The following ZNF407 variants were observed in gnomAD, a reference collection of about 807,000 sequenced individuals.
The protein encoded by ZNF407 is zinc finger protein 407.
Under a neutral mutation model 131.2 loss-of-function variants are expected in ZNF407, and 17 were observed. The ratio of observed to expected loss-of-function variants is 0.13; its 90% confidence interval spans 0.09 to 0.19. ZNF407 has a LOEUF of 0.19. Among genes scored for constraint, ZNF407 ranks in the 10% least tolerant of loss-of-function variants. The probability of loss-of-function intolerance (pLI) is 1.00; values close to 1 mark genes in which losing one functional copy is unlikely to be tolerated. For synonymous variants in ZNF407, 1,156 were observed against 1,062.0 expected (o/e 1.09, Z -1.72); for missense variants, 2,681 against 2,830.6 (o/e 0.95, Z 1.20).
At chr18:74,829,813 T>G (rs1435193867) in intron 4 of ZNF407, among the ~76,000 whole-genome samples, 2 of 149,962 alleles carry the variant, frequency 1.3e-5, no homozygotes, top group Admixed American at 1.3e-4. Context: ...TAAGAGAGCC[T>G]GTTTTTTTTT....
At chr18:74,621,339 A>G (rs1983501116) in intron 1 of ZNF407, among the ~76,000 whole-genome samples, 1 of 151,976 alleles carries the variant, frequency 6.6e-6, no homozygotes, top group African/African-American at 2.4e-5. Flanking sequence ...ATCATCTCTC[A>G]GTGTCTGTGG....
At position 74,633,345 on chromosome 18, in the gene ZNF407, G is replaced by C. The variant is rs373147859; in HGVS notation, c.2326G>C (p.Glu776Gln). ...NIGLSFEECI[E>Q]RVCIGANDKK... ...TGGCTTAAGCTTTGAAGAATGTATT[G>C]AAAGGGTATGTATAGGTGCAAATGA... The change falls in exon 2 of 9, where the codon GAA becomes CAA. Residue 776 changes from glutamate (E) to glutamine (Q), a missense_variant. Glu to Gln is a conservative substitution (Grantham distance 29). Transcript: ENST00000299687. 2 of 1,613,684 alleles carry C rather than the reference G, an allele frequency of 1.2e-6. No homozygotes were observed. The highest frequency in any genetic ancestry group is 8.5e-7 in the Non-Finnish European group (1 of 1,179,846).
intron 4 of ZNF407, among the ~76,000 whole-genome samples, chr18:74,811,143 T>C (rs1320691996): frequency 1.3e-5 from 2 of 151,842 alleles, no homozygotes; most frequent in African/African-American, 4.8e-5. Context: ...AGGGCTAATA[T>C]CCAGAATCTA....
At chr18:74,973,749 C>T (rs1972498397) in intron 8 of ZNF407, among the ~76,000 whole-genome samples, 1 of 152,162 alleles carries the variant, frequency 6.6e-6, no homozygotes, top group African/African-American at 2.4e-5. Context: ...TCTGAAGTCA[C>T]TAGGATGGAA....
intron 8 of ZNF407, among the ~76,000 whole-genome samples, chr18:74,934,698 C>T (rs1052037076): frequency 3.3e-5 from 5 of 152,056 alleles, no homozygotes; most frequent in East Asian, 1.9e-4. Flanking sequence ...ACCAGCTATT[C>T]GGGAGGGTGA....
intron 1 of ZNF407, among the ~76,000 whole-genome samples, chr18:74,625,088 A>G (rs1251851783): frequency 2.0e-5 from 3 of 152,242 alleles, no homozygotes; most frequent in African/African-American, 4.8e-5. Flanking sequence ...ATGTGGTAGC[A>G]TTCAATATTT....
intron 1 of ZNF407, among the ~76,000 whole-genome samples, chr18:74,623,952 C>T (rs549300378): frequency 1.3e-5 from 2 of 152,170 alleles, no homozygotes; most frequent in Admixed American, 1.3e-4. Context: ...GAATAGGAAA[C>T]GTAATGCTTG....
chr18:74,969,378 A>G (rs1034390494), intron 8 of ZNF407, among the ~76,000 whole-genome samples: 15 of 152,192 alleles, frequency 9.9e-5, no homozygotes, highest in Admixed American at 5.2e-4. Context: ...ACTGTAGGTC[A>G]TATTTAGATT....
chr18:74,701,505 A>G (rs1254670229), intron 3 of ZNF407, among the ~76,000 whole-genome samples: 1 of 152,206 alleles, frequency 6.6e-6, no homozygotes, highest in African/African-American at 2.4e-5. Flanking sequence ...GACAGGCACA[A>G]GTCATAAGGC....
intron 4 of ZNF407, among the ~76,000 whole-genome samples, chr18:74,874,034 A>T (rs1384340087): frequency 6.6e-6 from 1 of 152,140 alleles, no homozygotes; most frequent in Non-Finnish European, 1.5e-5. Flanking sequence ...AAGGAAAGGG[A>T]AGATAAGAAA....
intron 3 of ZNF407, among the ~76,000 whole-genome samples, chr18:74,781,172 A>G (rs1227789989): frequency 6.6e-6 from 1 of 152,190 alleles, no homozygotes; most frequent in Admixed American, 6.5e-5. Flanking sequence ...GGATTGAAGA[A>G]CTACAATCAT....
intron 4 of ZNF407, among the ~76,000 whole-genome samples, chr18:74,872,455 T>G (rs951912677): frequency 1.3e-5 from 2 of 152,090 alleles, no homozygotes; most frequent in African/African-American, 4.8e-5. Flanking sequence ...TATTTAAGAT[T>G]GTTTAAATTT....
chr18:75,044,407 T>C (rs1483599478), intron 8 of ZNF407, among the ~76,000 whole-genome samples: 1 of 152,072 alleles, frequency 6.6e-6, no homozygotes, highest in Non-Finnish European at 1.5e-5. Flanking sequence ...AGAACTAGAC[T>C]CCTTGGCGGT....
At chr18:74,863,813 A>G (rs949174157) in intron 4 of ZNF407, among the ~76,000 whole-genome samples, 20 of 152,190 alleles carry the variant, frequency 1.3e-4, no homozygotes, top group Non-Finnish European at 2.9e-4. Flanking sequence ...GGTGTTGGCT[A>G]CAGCATGTAT....
chr18:74,743,763 T>C (rs910719474), intron 3 of ZNF407, among the ~76,000 whole-genome samples: 4 of 152,170 alleles, frequency 2.6e-5, no homozygotes, highest in African/African-American at 9.6e-5. Context: ...CTGTTGCTTC[T>C]AAAAGAATAG....
At chr18:74,791,041 C>T (rs3861309) in intron 4 of ZNF407, among the ~76,000 whole-genome samples, 96,406 of 152,028 alleles carry the variant, frequency 0.63, 32,768 homozygotes, top group East Asian at 0.95. Flanking sequence ...CAAAGAGAAC[C>T]TCTGCTAACA....
At position 74,763,803 on chromosome 18, in the gene ZNF407, G is replaced by A. The variant is rs370962054; in HGVS notation, c.4803-17625G>A. Among the ~76,000 whole-genome samples, 24 of 148,580 alleles carry A rather than the reference G, an allele frequency of 1.6e-4. 2 individuals carry two copies. In the South Asian group the frequency reaches 4.7e-3, roughly 29 times the overall value. Reference sequence around the variant, plus strand: ...CGGCTCACTGCAAGCTCTGCCTCCCGGGTTCACGCCATTCTCCTGCCTCAG... The same window carrying A: ...CGGCTCACTGCAAGCTCTGCCTCCCAGGTTCACGCCATTCTCCTGCCTCAG... On this transcript the variant is annotated intron_variant, in intron 3 of 8. Transcript: ENST00000299687.
intron 4 of ZNF407, among the ~76,000 whole-genome samples, chr18:74,813,202 G>GGTCCCTGTGTGGTTT (rs1970221247): frequency 1.3e-5 from 2 of 152,230 alleles, no homozygotes; most frequent in Non-Finnish European, 2.9e-5. Context: ...AGTAAGACTT[G>GGTCCCTGTGTGGTTT]GTCCCTGTGT....
chr18:74,675,550 T>C (rs1986320857), intron 3 of ZNF407, among the ~76,000 whole-genome samples: 1 of 152,196 alleles, frequency 6.6e-6, no homozygotes, highest in Admixed American at 6.5e-5. Flanking sequence ...AAAAGTAATA[T>C]AAAGCAGAGT....
Sources: gnomAD v4.1 joint callset for allele counts (sites outside exome capture counted in the v4.1 genomes callset) on GRCh38, gnomAD v4.1.1 for gene constraint, MANE v1.5 for transcripts, NCBI Gene and HGNC (gene_info 2026-07-23, HGNC 2026-07-21) for gene names.